LAMA4: variants seen among roughly 807,000 people sequenced by gnomAD.
LAMA4 encodes the protein laminin subunit alpha-4.
In LAMA4, 127 loss-of-function variants were observed where a neutral mutation model predicts 207.1. The ratio of observed to expected loss-of-function variants is 0.61; its 90% CI spans 0.53 to 0.71. The LOEUF is 0.71. Among genes scored for constraint, LAMA4 ranks in the 30% least tolerant of loss-of-function variants. The pLI is 0.00. For synonymous variants in LAMA4, 761 were observed against 816.0 expected (o/e 0.93, Z 1.15); for missense variants, 2,093 against 2,246.5 (o/e 0.93, Z 1.38).
intron 6 of LAMA4, among the ~76,000 whole-genome samples, chr6:112,189,979 T>G (rs1583841044): frequency 6.6e-6 from 1 of 152,308 alleles, no homozygotes. Context: ...TGCTAGCAAT[T>G]AACTGGAATA....
chr6:112,253,501 CAGA>C (rs1218618112), intron 2 of LAMA4: 8 of 427,560 alleles, frequency 1.9e-5, no homozygotes, highest in African/African-American at 1.2e-4. Flanking sequence ...TTCCCTGCTG[CAGA>C]AGACTTCTTG....
At chr6:112,206,324 G>A (rs1236666647) in intron 4 of LAMA4, among the ~76,000 whole-genome samples, 1 of 152,164 alleles carries the variant, frequency 6.6e-6, no homozygotes, top group Non-Finnish European at 1.5e-5. Context: ...TGAATTGATT[G>A]TAGGACACCC....
At position 112,195,160 on chromosome 6, in the gene LAMA4, C is replaced by T. The variant is rs1783336855; in HGVS notation, c.504-3310G>A. Among the ~76,000 whole-genome samples, 4 of 152,220 alleles carry T rather than the reference C, an allele frequency of 2.6e-5. No individual in the cohort carries two copies. The South Asian group carries it at 8.3e-4, about 32-fold the overall frequency. On this transcript the variant is annotated intron_variant, in intron 5 of 38. Transcript: ENST00000230538. ...GTCTTTGTCAAGAGTGCCCAAACTC[C>T]TGGGCTAGGTGGCTCAGAAACCTTT...
At chr6:112,176,504 T>G (rs2114886999) in intron 10 of LAMA4, among the ~76,000 whole-genome samples, 1 of 152,348 alleles carries the variant, frequency 6.6e-6, no homozygotes, top group East Asian at 1.9e-4. Flanking sequence ...TCGCCAGCGG[T>G]TATTTTAGAG....
At chr6:112,238,451 T>C (rs1381021190) in intron 2 of LAMA4, among the ~76,000 whole-genome samples, 1 of 152,206 alleles carries the variant, frequency 6.6e-6, no homozygotes, top group Non-Finnish European at 1.5e-5. Flanking sequence ...GGCTCATGCC[T>C]GTAATTCCAG....
intron 2 of LAMA4, among the ~76,000 whole-genome samples, chr6:112,240,399 A>G (rs1329076430): frequency 1.4e-4 from 21 of 152,308 alleles, no homozygotes; most frequent in African/African-American, 4.8e-4. Flanking sequence ...TTGAGTCACA[A>G]ACAATCCAAT....
intron 3 of LAMA4, among the ~76,000 whole-genome samples, chr6:112,210,005 C>A (rs537487799): frequency 2.6e-5 from 4 of 151,072 alleles, no homozygotes; most frequent in Admixed American, 2.0e-4. Flanking sequence ...AGCACCTCCC[C>A]CTTTGTGCTC....
At chr6:112,244,565 C>T (rs1177276317) in intron 2 of LAMA4, among the ~76,000 whole-genome samples, 1 of 152,182 alleles carries the variant, frequency 6.6e-6, no homozygotes, top group African/African-American at 2.4e-5. Context: ...ACTCTGTCGG[C>T]TGGTTCTTGA....
At position 112,189,176 on chromosome 6, in the gene LAMA4, T is replaced by C. The variant is rs1293864282; in HGVS notation, c.748A>G (p.Ser250Gly). The C allele has an allele frequency of 1.9e-6, 3 of 1,613,930 alleles. No individual in the cohort carries two copies. In the Admixed American group the frequency reaches 5.0e-5, roughly 27 times the overall value. Residue 250 changes from serine to glycine, a missense_variant, in exon 7 of 39, where the codon AGT becomes GGT. Transcript: ENST00000230538. ...TCTTCCAAGCATTCTCCGGTTACAC[T>C]GTCACATGGGCCTCCCCCGCAGTTG... ...VCNCGGGPCD[S>G]VTGECLEEGF...
intron 9 of LAMA4, among the ~76,000 whole-genome samples, chr6:112,184,865 T>C (rs1308227144): frequency 1.3e-5 from 2 of 152,126 alleles, no homozygotes; most frequent in African/African-American, 2.4e-5. Flanking sequence ...TTAACCAATA[T>C]TTAAATTTTA....
rs1471513621 is a variant in LAMA4 at position 112,114,130 on chromosome 6, G to T, written c.5272C>A (p.Leu1758Met). 9.9e-6 allele frequency: 16 copies of T among 1,613,786 alleles called. No individual in the cohort carries two copies. The highest frequency in any genetic ancestry group is 1.4e-5 in the Non-Finnish European group (16 of 1,179,846). Residue 1758 changes from leucine to methionine, a missense_variant, in exon 38 of 39, where the codon CTG (leucine) becomes ATG (methionine). Around this residue, in one of 3 missense-constraint regions of LAMA4, gnomAD observed 383 missense variants for 437.8 expected, o/e 0.87. Transcript: ENST00000230538. ...DSEVNHVVGP[L>M]NPKPIDHREP... ...CTGTGATCAATTGGTTTTGGATTCA[G>T]GGGTCCAACCACATGGTTCACTTCA... is the stretch of plus-strand genomic sequence containing the variant.
intron 3 of LAMA4, among the ~76,000 whole-genome samples, chr6:112,212,226 ATTTT>A (rs11343230): frequency 2.8e-5 from 4 of 143,540 alleles, no homozygotes; most frequent in Admixed American, 6.9e-5. Context: ...AGTTTCTGTC[ATTTT>A]TTTTTTTTTT....
intron 2 of LAMA4, chr6:112,216,716 ATGCC>A (rs1322072187): frequency 8.0e-6 from 4 of 498,066 alleles, no homozygotes; most frequent in Non-Finnish European, 1.5e-5. Flanking sequence ...GAGAACAGAA[ATGCC>A]TTTAACACTG....
intron 16 of LAMA4, chr6:112,154,638 T>A: frequency 1.7e-6 from 1 of 583,518 alleles, no homozygotes; most frequent in Admixed American, 3.0e-5. Context: ...TGTGTTTCCA[T>A]GTAGTTTACT....
intron 7 of LAMA4, 140 bp downstream of exon 7, chr6:112,188,970 T>G: frequency 5.9e-6 from 4 of 675,682 alleles, no homozygotes; most frequent in Non-Finnish European, 1.1e-5. Context: ...AGGCTCCATT[T>G]GCTGAGGTGC....
chr6:112,192,602 T>C (rs531031466), intron 5 of LAMA4, among the ~76,000 whole-genome samples: 128 of 152,322 alleles, frequency 8.4e-4, no homozygotes, highest in Non-Finnish European at 1.6e-3. Flanking sequence ...ATTTATTGTG[T>C]GGGCAGAGCC....
chr6:112,170,453 T>C lies in LAMA4; in HGVS notation c.1551+2158A>G, dbSNP rs114345569. Among the ~76,000 whole-genome samples the C allele has an allele frequency of 9.1e-3, 1,384 of 152,338 alleles. 17 individuals carry two copies. Among genetic ancestry groups the C allele is most frequent in the African/African-American group, 0.032 (1,323 of 41,572 alleles). Reference sequence around the variant, plus strand: ...TTGTTTCTGTCTTACTTAAATGCTCTTAATCTTCTTTGGGAGTAGAATAGT... The same window carrying C: ...TTGTTTCTGTCTTACTTAAATGCTCCTAATCTTCTTTGGGAGTAGAATAGT... On this transcript the variant is annotated intron_variant, in intron 12 of 38. Transcript: ENST00000230538.
rs781826293 is a variant in LAMA4, at chr6:112,172,618, T to A, written c.1544A>T (p.Asp515Val). 1 of 1,612,766 alleles carries A rather than the reference T, an allele frequency of 6.2e-7. No individual in the cohort carries two copies. Among genetic ancestry groups the A allele is most frequent in the Non-Finnish European group, 8.5e-7 (1 of 1,179,996 alleles). ...MNRATAARQR[D>V]HEKQQERVRE... ...GGTGAGTGTCCGCTGTACCTCATGG[T>A]CCCGCTGCCTGGCTGCTGTGGCCCT... is the stretch of plus-strand genomic sequence containing the variant. The change falls in exon 12 of 39, where the codon GAC becomes GTC. Residue 515 changes from aspartate (D) to valine (V), a missense_variant. Around this residue, in one of 3 missense-constraint regions of LAMA4, gnomAD observed 1,704 missense variants for 1,788.4 expected, o/e 0.95. Transcript: ENST00000230538.
chr6:112,182,847 C>T lies in LAMA4; in HGVS notation c.1077+2390G>A, dbSNP rs78339472. Among the ~76,000 whole-genome samples, 43 of 152,212 alleles carry T rather than the reference C, an allele frequency of 2.8e-4. No individual in the cohort carries two copies. In the East Asian group the frequency reaches 7.0e-3, roughly 25 times the overall value. Reference sequence around the variant, plus strand: ...AACATGGAAAAGTAGAATCTTGGCACGATCTTTGGAATTTTCATTGCAGAC... The same window carrying T: ...AACATGGAAAAGTAGAATCTTGGCATGATCTTTGGAATTTTCATTGCAGAC... On this transcript the variant is annotated intron_variant, in intron 9 of 38. Coordinates refer to ENST00000230538, the MANE Select transcript of LAMA4 (RefSeq NM_001105206.3).
Sources: allele counts gnomAD v4.1 joint callset (sites outside exome capture counted in the v4.1 genomes callset), GRCh38; gene constraint gnomAD v4.1.1; regional missense constraint gnomAD v4.1.1; transcripts MANE v1.5; gene names NCBI Gene and HGNC (gene_info 2026-07-23, HGNC 2026-07-21).